The following ZNF521 variants were observed in gnomAD, a reference collection of about 807,000 sequenced individuals.
The protein encoded by ZNF521 is LYST-interacting protein 3.
Under a neutral mutation model 105.5 loss-of-function variants are expected in ZNF521, and 14 were observed. That is an observed-to-expected ratio of 0.13 (90% CI 0.09 to 0.21). The LOEUF (loss-of-function observed/expected upper bound fraction) is 0.21, where lower values mean the gene tolerates loss of function less well. Ranked by LOEUF, ZNF521 falls within the 10% of genes least tolerant of loss-of-function variation. ZNF521 has a pLI of 1.00. For synonymous variants in ZNF521, 635 were observed against 606.0 expected, an observed-to-expected ratio of 1.05 and a Z score of -0.70; for missense variants, 1,233 against 1,629.7, an observed-to-expected ratio of 0.76 and a Z score of 4.19.
chr18:25,225,437 G>A lies in ZNF521; in HGVS notation c.2481C>T (p.His827=). ...AFHAIILLEK[H]LREKHCVFET... Reference sequence around the variant, plus strand: ...CGAATACACAGTGTTTTTCTCGCAAGTGTTTTTCTAACAAAATGATCGCAT... The same window carrying A: ...CGAATACACAGTGTTTTTCTCGCAAATGTTTTTCTAACAAAATGATCGCAT... The change falls in exon 4 of 8, where the codon CAC becomes CAT. Residue 827 remains histidine (H), a synonymous_variant. Transcript: ENST00000361524. The surrounding 1 kb of genome is among the most constrained non-coding windows in gnomAD (Gnocchi z 5.6). 6.2e-7 allele frequency: 1 copy of A among 1,614,188 alleles called. No individual in the cohort carries two copies. The highest frequency in any genetic ancestry group is 8.5e-7 in the Non-Finnish European group (1 of 1,180,036).
At chr18:25,280,537 G>A (rs1035922066) in intron 3 of ZNF521, among the ~76,000 whole-genome samples, 12 of 151,830 alleles carry the variant, frequency 7.9e-5, no homozygotes, top group African/African-American at 2.9e-4. Flanking sequence ...CTCAATCACA[G>A]ACACACACAC....
chr18:25,098,773 T>A (rs1431031632), intron 5 of ZNF521, among the ~76,000 whole-genome samples: 1 of 152,160 alleles, frequency 6.6e-6, no homozygotes. Flanking sequence ...CCCCCTCATT[T>A]ATACCCACTT....
chr18:25,293,749 G>A (rs541754408), intron 3 of ZNF521, among the ~76,000 whole-genome samples: 2 of 152,010 alleles, frequency 1.3e-5, no homozygotes, highest in Non-Finnish European at 2.9e-5. Context: ...TCTAGCAAAT[G>A]GTGCTTCCAC....
chr18:25,331,803 T>C (rs1913584267), intron 2 of ZNF521, among the ~76,000 whole-genome samples: 1 of 152,146 alleles, frequency 6.6e-6, no homozygotes, highest in Non-Finnish European at 1.5e-5. Context: ...CTTTCACATT[T>C]TGAGAAGGTA....
intron 7 of ZNF521, among the ~76,000 whole-genome samples, chr18:25,086,676 T>C (rs2033630111): frequency 6.6e-6 from 1 of 152,154 alleles, no homozygotes; most frequent in Non-Finnish European, 1.5e-5. Context: ...ATATTAAACC[T>C]GAGTATTCGC....
intron 2 of ZNF521, among the ~76,000 whole-genome samples, chr18:25,350,043 G>A (rs1914657516): frequency 6.6e-6 from 1 of 151,714 alleles, no homozygotes; most frequent in African/African-American, 2.4e-5. Flanking sequence ...CGGCCGAGGA[G>A]GAGGAGGAGG....
Position 25,150,498 on chromosome 18 carries a change from T to C in ZNF521, c.3658+44662A>G, listed in dbSNP as rs548672595. On this transcript the variant is annotated intron_variant, in intron 5 of 7. Coordinates refer to ENST00000361524, the MANE Select transcript of ZNF521 (RefSeq NM_015461.3). ...AGGAGCAAAGTTGGAGAAGTGATGA[T>C]GGTTTTGAAACCAGGACATATAAGC... 9.4e-4 allele frequency among the ~76,000 whole-genome samples: 143 copies of C among 152,338 alleles called. 1 individual carries two copies. The highest frequency in any genetic ancestry group is 3.2e-3 in the African/African-American group (135 of 41,576).
intron 3 of ZNF521, among the ~76,000 whole-genome samples, chr18:25,317,838 G>C (rs1221806613): frequency 6.6e-6 from 1 of 152,132 alleles, no homozygotes; most frequent in Admixed American, 6.6e-5. Context: ...ATAAATGTTA[G>C]CAAGTACGTA....
chr18:25,116,891 A>ATATATATG (rs1555635645), intron 5 of ZNF521, among the ~76,000 whole-genome samples: 3 of 51,398 alleles, frequency 5.8e-5, no homozygotes, highest in Non-Finnish European at 1.3e-4. Context: ...ATATATACGT[A>ATATATATG]TATATATATG....
chr18:25,063,842 A>G (rs2032978219), intron 7 of ZNF521, among the ~76,000 whole-genome samples: 1 of 152,120 alleles, frequency 6.6e-6, no homozygotes, highest in Admixed American at 6.6e-5. Context: ...CCTTTGTATT[A>G]CAACCTTGGG....
intron 3 of ZNF521, among the ~76,000 whole-genome samples, chr18:25,275,782 A>G (rs889630122): frequency 1.5e-4 from 23 of 152,196 alleles, no homozygotes; most frequent in Non-Finnish European, 2.8e-4. Context: ...TACGCCACGG[A>G]GACAGGAAGC....
chr18:25,334,062 C>T (rs1913740970), intron 2 of ZNF521, among the ~76,000 whole-genome samples: 1 of 152,192 alleles, frequency 6.6e-6, no homozygotes, highest in South Asian at 2.1e-4. Flanking sequence ...ATGAAGAAAA[C>T]ACTCCAGCAC....
intron 2 of ZNF521, among the ~76,000 whole-genome samples, chr18:25,334,463 TCA>T (rs948129630): frequency 3.1e-4 from 47 of 152,334 alleles, no homozygotes; most frequent in African/African-American, 1.1e-3. Flanking sequence ...TGTATGTGAC[TCA>T]GTTTTCTCAC....
intron 5 of ZNF521, among the ~76,000 whole-genome samples, chr18:25,163,600 T>C (rs1419420753): frequency 6.6e-6 from 1 of 152,168 alleles, no homozygotes; most frequent in Non-Finnish European, 1.5e-5. Context: ...CACAATGCAA[T>C]TGGAACAGAA....
intron 5 of ZNF521, among the ~76,000 whole-genome samples, chr18:25,141,782 C>T (rs1040400138): frequency 1.3e-5 from 2 of 152,018 alleles, no homozygotes; most frequent in African/African-American, 2.4e-5. Context: ...TCAGCTTTTT[C>T]GGCAATACTC....
At chr18:25,314,699 A>G (rs1912507339) in intron 3 of ZNF521, among the ~76,000 whole-genome samples, 1 of 152,252 alleles carries the variant, frequency 6.6e-6, no homozygotes, top group African/African-American at 2.4e-5. Flanking sequence ...ATAGTATGGT[A>G]GACCAGAGGG....
At chr18:25,318,959 A>G (rs1912789689) in intron 3 of ZNF521, among the ~76,000 whole-genome samples, 1 of 151,766 alleles carries the variant, frequency 6.6e-6, no homozygotes, top group Non-Finnish European at 1.5e-5. Flanking sequence ...AAAGAAAAAA[A>G]AAAAAGAAAA....
intron 2 of ZNF521, among the ~76,000 whole-genome samples, chr18:25,331,791 C>G (rs1470454097): frequency 1.3e-5 from 2 of 152,024 alleles, no homozygotes; most frequent in African/African-American, 4.8e-5. Context: ...TAGCAATACT[C>G]ACTTTCACAT....
intron 5 of ZNF521, among the ~76,000 whole-genome samples, chr18:25,097,477 T>C (rs2033876836): frequency 6.6e-6 from 1 of 152,078 alleles, no homozygotes; most frequent in African/African-American, 2.4e-5. Context: ...TTGAACGAGT[T>C]GCCATGAAAA....
Sources: allele counts gnomAD v4.1 joint callset (sites outside exome capture counted in the v4.1 genomes callset), GRCh38; gene constraint gnomAD v4.1.1; non-coding constraint Gnocchi (gnomAD v3.1); transcripts MANE v1.5; gene names NCBI Gene and HGNC (gene_info 2026-07-23, HGNC 2026-07-21).